Variants in PRRG2 observed in about 807,000 individuals in gnomAD.
The protein encoded by PRRG2 is proline rich and Gla domain 2.
In PRRG2, 23 loss-of-function variants were observed where a neutral mutation model predicts 27.1. That is an observed-to-expected ratio of 0.85 (90% CI 0.61 to 1.20). PRRG2 has a LOEUF of 1.20. Among genes scored for constraint, PRRG2 ranks in the 50% most tolerant of loss-of-function variants. The pLI is 0.00. For missense variants in PRRG2, 276 were observed against 254.8 expected (o/e 1.08, Z -0.57); for synonymous variants, 104 against 103.4 (o/e 1.01, Z -0.03).
At chr19:49,588,263 T>C (rs2080687235) in intron 4 of PRRG2, among the ~76,000 whole-genome samples, 1 of 152,174 alleles carries the variant, frequency 6.6e-6, no homozygotes, top group African/African-American at 2.4e-5. Flanking sequence ...ACATCCAGCC[T>C]AATCTCATTA....
At position 49,590,426 on chromosome 19, in the gene PRRG2, C is replaced by G; in HGVS notation, c.*37C>G. ...CGAGACCCGGCTCTCCGAACCGTGC[C>G]CCTGATTCATACCGGATTCCGGAAG... On this transcript the variant is annotated 3_prime_UTR_variant, in exon 7 of 7. Transcript: ENST00000246794. 2.5e-6 allele frequency: 4 copies of G among 1,613,568 alleles called. No individual in the cohort carries two copies. The South Asian group carries it at 3.3e-5, about 13-fold the overall frequency.
rs779899139 is a variant in PRRG2 at position 49,590,400 on chromosome 19, T to C, written c.*11T>C. ...AGGAGGCCTCACTGAAGAGCTGCTTTCGAGACCCGGCTCTCCGAACCGTGC... is the reference window on the plus strand; with the variant it reads ...AGGAGGCCTCACTGAAGAGCTGCTTCCGAGACCCGGCTCTCCGAACCGTGC... On this transcript the variant is annotated 3_prime_UTR_variant, in exon 7 of 7. Transcript: ENST00000246794. 1 of 1,614,100 alleles carries C rather than the reference T, an allele frequency of 6.2e-7. No homozygotes were observed. The highest frequency in any genetic ancestry group is 1.7e-5 in the Admixed American group (1 of 59,996).
Position 49,583,714 on chromosome 19 carries a change from C to G in PRRG2, c.258C>G (p.Leu86=). Reference sequence around the variant, plus strand: ...GGGAGTATTTTGAGGACAACACTCTCACGGTGAGGGCCTCGAGACCCTGGA... The same window carrying G: ...GGGAGTATTTTGAGGACAACACTCTGACGGTGAGGGCCTCGAGACCCTGGA... ...EAREYFEDNT[L]TERFWESYIY... Residue 86 remains leucine, a synonymous_variant, in exon 3 of 7, where the codon CTC becomes CTG. Transcript: ENST00000246794. The G allele has an allele frequency of 6.2e-7, 1 of 1,613,870 alleles. No homozygotes were observed. Among genetic ancestry groups the G allele is most frequent in the Non-Finnish European group, 8.5e-7 (1 of 1,179,842 alleles).
intron 2 of PRRG2, 55 bp from the exon 3 acceptor site, chr19:49,583,487 T>C (rs754155277): frequency 6.3e-7 from 1 of 1,585,434 alleles, no homozygotes; most frequent in East Asian, 2.2e-5. Flanking sequence ...CATCCCCCTA[T>C]GACTCCAGCC....
intron 4 of PRRG2, among the ~76,000 whole-genome samples, chr19:49,585,796 A>G (rs2080664497): frequency 6.7e-6 from 1 of 148,958 alleles, no homozygotes; most frequent in Admixed American, 6.7e-5. Flanking sequence ...AAACAAACAA[A>G]TGGCTGGGCG....
At chr19:49,587,522 G>A (rs1357250058) in intron 4 of PRRG2, among the ~76,000 whole-genome samples, 1 of 119,962 alleles carries the variant, frequency 8.3e-6, no homozygotes, top group Non-Finnish European at 1.7e-5. Context: ...TTTCACTCTT[G>A]TTGCCCAGGC....
chr19:49,583,343 T>C (rs1194757075), intron 2 of PRRG2, 39 bp downstream of exon 2: 1 of 1,599,780 alleles, frequency 6.3e-7, no homozygotes, highest in Non-Finnish European at 8.6e-7. Context: ...ACACTTGGCG[T>C]TGGCCTCCCC....
chr19:49,585,931 T>G (rs2080665476), intron 4 of PRRG2, among the ~76,000 whole-genome samples: 1 of 151,624 alleles, frequency 6.6e-6, no homozygotes, highest in African/African-American at 2.4e-5. Flanking sequence ...GATACAGAAA[T>G]TAGCTGGGCA....
In PRRG2 at chr19:49,590,540, C is replaced by A; in HGVS notation, c.*151C>A. 1.8e-6 allele frequency: 2 copies of A among 1,089,172 alleles called. No individual in the cohort carries two copies. The highest frequency in any genetic ancestry group is 1.4e-5 in the South Asian group (1 of 70,734). The allele number at this position is 1,089,172 out of a possible 1,614,324, so 67.5% of individuals were successfully genotyped here. ...CCGGCCCGAGGCCTGCCCTGGCACA[C>A]GCGTTTCCGCCGCGTATGGATATAC... On this transcript the variant is annotated 3_prime_UTR_variant, in exon 7 of 7. Coordinates refer to ENST00000246794, the MANE Select transcript of PRRG2 (RefSeq NM_000951.3).
chr19:49,586,792 G>A (rs1194763893), intron 4 of PRRG2, among the ~76,000 whole-genome samples: 6 of 152,216 alleles, frequency 3.9e-5, no homozygotes, highest in African/African-American at 9.6e-5. Context: ...CGGAGGTTGC[G>A]GTGAGCCGAG....
In PRRG2 at chr19:49,590,621, TCCTGA is replaced by T; in HGVS notation, c.*235_*239del. The T allele has an allele frequency of 1.7e-6, 1 of 603,306 alleles. No homozygotes were observed. Among genetic ancestry groups the T allele is most frequent in the Admixed American group, 3.0e-5 (1 of 32,954 alleles). The allele number at this position is 603,306 out of a possible 1,614,324, so 37.4% of individuals were successfully genotyped here. A position where few individuals can be genotyped will look rare whatever the true frequency, so the allele number is the denominator to read the frequency against. ...TGGCCCCTCACGGGCCCCCACACTC[TCCTGA>T]CCGTGAGGGCACTGGTCAGTTCCGC... On this transcript the variant is annotated 3_prime_UTR_variant, in exon 7 of 7. Transcript: ENST00000246794.
chr19:49,590,516 C>A lies in PRRG2; in HGVS notation c.*127C>A. ...GGGAATGGTGGGAGTAGGGGTCATCCGGCCCGAGGCCTGCCCTGGCACACG... is the reference window on the plus strand; with the variant it reads ...GGGAATGGTGGGAGTAGGGGTCATCAGGCCCGAGGCCTGCCCTGGCACACG... On this transcript the variant is annotated 3_prime_UTR_variant, in exon 7 of 7. Transcript: ENST00000246794. 1 of 1,333,856 alleles carries A rather than the reference C, an allele frequency of 7.5e-7. No homozygotes were observed. Among genetic ancestry groups the A allele is most frequent in the Non-Finnish European group, 1.1e-6 (1 of 950,096 alleles). 82.6% of individuals were successfully genotyped at this position (1,333,856 alleles called of 1,614,324 possible).
intron 4 of PRRG2, 77 bp from the exon 5 acceptor site, chr19:49,588,420 T>G (rs747122636): frequency 3.3e-6 from 5 of 1,525,334 alleles, no homozygotes; most frequent in Non-Finnish European, 4.4e-6. Context: ...TTCTCTTCCC[T>G]CAGTGGGAAG....
At chr19:49,582,239 T>TA (rs760309836) in intron 1 of PRRG2, among the ~76,000 whole-genome samples, 4,985 of 74,742 alleles carry the variant, frequency 0.067, 215 homozygotes, top group South Asian at 0.11. Context: ...AGACTCTGTC[T>TA]AAAAAAAAAA....
chr19:49,589,760 C>T (rs1402321850), intron 5 of PRRG2, 140 bp from the exon 6 acceptor site: 2 of 922,164 alleles, frequency 2.2e-6, no homozygotes, highest in Admixed American at 4.2e-5. Flanking sequence ...TGAAGGTGAC[C>T]CTCCTTTTCT....
rs775076051 is a variant in PRRG2 at position 49,583,557 on chromosome 19, CCCCAGAGG to C, written c.109_116del (p.Ala37LeufsTer4). On this transcript the variant is annotated frameshift_variant, in exon 3 of 7. Coordinates refer to ENST00000246794, the MANE Select transcript of PRRG2 (RefSeq NM_000951.3). LOFTEE classifies it high-confidence loss of function. Reference sequence around the variant, plus strand: ...TTGGGTCCAGAAGTCTTCCTGGGTCCCCCAGAGGCCCAGAGCTTCCTGAGTAGCCATAC... The same window carrying C: ...TTGGGTCCAGAAGTCTTCCTGGGTCCCCCAGAGCTTCCTGAGTAGCCATAC... 6.2e-7 allele frequency: 1 copy of C among 1,614,150 alleles called. No homozygotes were observed. The highest frequency in any genetic ancestry group is 8.5e-7 in the Non-Finnish European group (1 of 1,180,012).
chr19:49,583,308 A>T lies in PRRG2; in HGVS notation c.85+4A>T. 6.2e-7 allele frequency: 1 copy of T among 1,613,738 alleles called. No homozygotes were observed. Among genetic ancestry groups the T allele is most frequent in the East Asian group, 2.2e-5 (1 of 44,882 alleles). The stretch of plus-strand genomic sequence containing the variant: ...CCCAGTGAGGAGACAGACCAAGGTG[A>T]GTGTTTGGGGGAAGTGGCATCCAGA... On this transcript the variant is annotated splice_donor_region_variant and intron_variant, in intron 2 of 6. Transcript: ENST00000246794.
At chr19:49,587,324 CTTTT>C (rs527352052) in intron 4 of PRRG2, among the ~76,000 whole-genome samples, 20 of 121,744 alleles carry the variant, frequency 1.6e-4, no homozygotes, top group African/African-American at 3.4e-4. Flanking sequence ...ATGTGACATC[CTTTT>C]TTTTTTTTTT....
At chr19:49,587,301 T>C (rs2080677840) in intron 4 of PRRG2, among the ~76,000 whole-genome samples, 1 of 150,808 alleles carries the variant, frequency 6.6e-6, no homozygotes, top group Non-Finnish European at 1.5e-5. Flanking sequence ...TAAAAGCGTA[T>C]TCCAAGTAGT....
Sources: gnomAD v4.1 joint callset for allele counts (sites outside exome capture counted in the v4.1 genomes callset) on GRCh38, gnomAD v4.1.1 for gene constraint, MANE v1.5 for transcripts, NCBI Gene and HGNC (gene_info 2026-07-23, HGNC 2026-07-21) for gene names.